The following PHACTR1 variants were observed in gnomAD, a reference collection of about 807,000 sequenced individuals.
The protein encoded by PHACTR1 is phosphatase and actin regulator 1, also known as RPEL repeat containing 1.
In PHACTR1, 16 loss-of-function variants were observed where a neutral mutation model predicts 69.2. The ratio of observed to expected loss-of-function variants is 0.23; its 90% CI spans 0.16 to 0.35. The LOEUF is 0.35. PHACTR1 is among the 10% of genes least tolerant of loss of function. The pLI is 1.00. For synonymous variants in PHACTR1, 312 were observed against 284.5 expected, an observed-to-expected ratio of 1.10 and a Z score of -0.97; for missense variants, 510 against 734.7, an observed-to-expected ratio of 0.69 and a Z score of 3.54.
At chr6:13,043,980 G>A (rs1442645903) in intron 4 of PHACTR1, among the ~76,000 whole-genome samples, 1 of 152,112 alleles carries the variant, frequency 6.6e-6, no homozygotes, top group Non-Finnish European at 1.5e-5. Flanking sequence ...GTGGTTGAAG[G>A]ATACATTCCT....
At chr6:13,140,036 T>C (rs983537895) in intron 5 of PHACTR1, among the ~76,000 whole-genome samples, 17 of 152,202 alleles carry the variant, frequency 1.1e-4, no homozygotes, top group Non-Finnish European at 2.2e-4. Context: ...GCCAAATATA[T>C]GTAATGTTAG....
chr6:13,002,168 T>C (rs1370120592), intron 4 of PHACTR1, among the ~76,000 whole-genome samples: 1 of 152,232 alleles, frequency 6.6e-6, no homozygotes, highest in Non-Finnish European at 1.5e-5. Context: ...GAGAGCACAG[T>C]GGCACATTGC....
intron 3 of PHACTR1, among the ~76,000 whole-genome samples, chr6:12,734,254 G>A (rs918979193): frequency 1.3e-5 from 2 of 152,192 alleles, no homozygotes; most frequent in Non-Finnish European, 2.9e-5. Context: ...AAAGCTTGGA[G>A]AGCTCACTAA....
At chr6:12,763,476 C>G (rs1273292688) in intron 4 of PHACTR1, among the ~76,000 whole-genome samples, 1 of 152,118 alleles carries the variant, frequency 6.6e-6, no homozygotes, top group Non-Finnish European at 1.5e-5. Flanking sequence ...TTTCATAAAC[C>G]CAATTATACG....
intron 4 of PHACTR1, among the ~76,000 whole-genome samples, chr6:12,831,309 G>T (rs943210202): frequency 1.3e-5 from 2 of 152,180 alleles, no homozygotes; most frequent in African/African-American, 2.4e-5. Flanking sequence ...CATTAGGTTT[G>T]TTAGAAAATA....
intron 4 of PHACTR1, among the ~76,000 whole-genome samples, chr6:12,987,820 T>G (rs1796359645): frequency 6.6e-6 from 1 of 152,194 alleles, no homozygotes; most frequent in Non-Finnish European, 1.5e-5. Flanking sequence ...TAATGGTGTT[T>G]CTACTGTAGA....
intron 10 of PHACTR1, among the ~76,000 whole-genome samples, chr6:13,268,413 G>A (rs1179512294): frequency 6.6e-6 from 1 of 152,174 alleles, no homozygotes; most frequent in Non-Finnish European, 1.5e-5. Context: ...TCCACAAGAT[G>A]TCCACATCCT....
chr6:13,273,075 G>GGGTGGATC, intron 11 of PHACTR1, 160 bp downstream of exon 11: 1 of 1,113,476 alleles, frequency 9.0e-7, no homozygotes, highest in Non-Finnish European at 1.3e-6. Flanking sequence ...CACCAAAGAC[G>GGGTGGATC]ACCTCCCCAA....
At chr6:13,231,101 A>AAGAGAG (rs1562037415) in intron 10 of PHACTR1, among the ~76,000 whole-genome samples, 1 of 70,422 alleles carries the variant, frequency 1.4e-5, no homozygotes, top group Non-Finnish European at 3.0e-5. Flanking sequence ...GAAGGAAGGG[A>AAGAGAG]AAAGAAAGAA....
chr6:13,267,166 G>A (rs1294688627), intron 10 of PHACTR1: 2 of 152,244 alleles, frequency 1.3e-5, no homozygotes, highest in African/African-American at 4.8e-5. Context: ...CTCTGTTCCA[G>A]AAGGGCAGGG....
intron 5 of PHACTR1, among the ~76,000 whole-genome samples, chr6:13,105,409 G>A (rs1012813046): frequency 3.9e-5 from 6 of 152,014 alleles, no homozygotes; most frequent in African/African-American, 7.3e-5. Flanking sequence ...GGGTGGGGGT[G>A]TGGAGGGAAG....
chr6:13,051,610 G>T (rs189612651), intron 4 of PHACTR1, among the ~76,000 whole-genome samples: 1 of 152,212 alleles, frequency 6.6e-6, no homozygotes, highest in Admixed American at 6.5e-5. Context: ...CCAGGGATCC[G>T]CTTCTCCCTC....
intron 4 of PHACTR1, among the ~76,000 whole-genome samples, chr6:12,874,056 A>G (rs911103613): frequency 1.3e-5 from 2 of 152,220 alleles, no homozygotes; most frequent in African/African-American, 2.4e-5. Context: ...CTCTAAAGCT[A>G]TAGTTCTCAA....
At chr6:13,256,123 A>T (rs1257970445) in intron 10 of PHACTR1, among the ~76,000 whole-genome samples, 1 of 152,256 alleles carries the variant, frequency 6.6e-6, no homozygotes, top group Non-Finnish European at 1.5e-5. Flanking sequence ...GCCTTACTAC[A>T]ATATGGAAGC....
chr6:13,214,928 A>G (rs1767437998), intron 8 of PHACTR1, among the ~76,000 whole-genome samples: 1 of 152,200 alleles, frequency 6.6e-6, no homozygotes, highest in African/African-American at 2.4e-5. Context: ...TCTGATGGAA[A>G]TTGCCACCTA....
intron 4 of PHACTR1, among the ~76,000 whole-genome samples, chr6:12,946,051 C>A (rs916957844): frequency 1.3e-5 from 2 of 151,132 alleles, no homozygotes; most frequent in African/African-American, 4.9e-5. Flanking sequence ...ATCTAGTATA[C>A]AGTATTACAC....
intron 6 of PHACTR1, among the ~76,000 whole-genome samples, chr6:13,164,252 A>G (rs1361428513): frequency 6.6e-6 from 1 of 152,192 alleles, no homozygotes; most frequent in Non-Finnish European, 1.5e-5. Flanking sequence ...GGTAAAGCAA[A>G]TAGAATTTTA....
intron 10 of PHACTR1, among the ~76,000 whole-genome samples, chr6:13,262,551 T>C (rs1776059699): frequency 6.6e-6 from 1 of 152,210 alleles, no homozygotes; most frequent in African/African-American, 2.4e-5. Context: ...TGAGCATCTA[T>C]TATGCTCTCT....
chr6:12,829,964 AAGAGAGAGAGAG>A (rs149861206), intron 4 of PHACTR1, among the ~76,000 whole-genome samples: 3 of 99,944 alleles, frequency 3.0e-5, no homozygotes, highest in South Asian at 3.8e-4. Context: ...TCAAGAAAGA[AAGAGAGAGAGAG>A]AGAGAGAGAG....
Sources: allele counts gnomAD v4.1 joint callset (sites outside exome capture counted in the v4.1 genomes callset), GRCh38; gene constraint gnomAD v4.1.1; transcripts MANE v1.5; gene names NCBI Gene and HGNC (gene_info 2026-07-23, HGNC 2026-07-21).